The following P4HA1 variants were observed in gnomAD, a reference collection of about 807,000 sequenced individuals.
P4HA1 encodes prolyl 4-hydroxylase subunit alpha-1.
Under a neutral mutation model 72.8 loss-of-function variants are expected in P4HA1, and 24 were observed. The ratio of observed to expected loss-of-function variants is 0.33; its 90% CI spans 0.24 to 0.46. The LOEUF (loss-of-function observed/expected upper bound fraction) is 0.46, where lower values mean the gene tolerates loss of function less well. Ranked by LOEUF, P4HA1 falls within the 20% of genes least tolerant of loss-of-function variation. The pLI, the probability that P4HA1 is intolerant of heterozygous loss-of-function variation, is 1.00. For missense variants in P4HA1, 446 were observed against 640.6 expected, an observed-to-expected ratio of 0.70 and a Z score of 3.28; for synonymous variants, 201 against 218.8, an observed-to-expected ratio of 0.92 and a Z score of 0.72.
At chr10:73,094,599 T>C (rs1842121287) in intron 1 of P4HA1, among the ~76,000 whole-genome samples, 1 of 152,206 alleles carries the variant, frequency 6.6e-6, no homozygotes, top group South Asian at 2.1e-4. Flanking sequence ...AAATAAAGCA[T>C]TCCTTCCACA....
At chr10:73,045,475 T>A (rs1165197751) in intron 8 of P4HA1, among the ~76,000 whole-genome samples, 1 of 152,094 alleles carries the variant, frequency 6.6e-6, no homozygotes, top group East Asian at 1.9e-4. Flanking sequence ...TAATTTTTTT[T>A]AGTGATGGAA....
chr10:73,034,242 C>A (rs1299525791), intron 9 of P4HA1, among the ~76,000 whole-genome samples: 1 of 152,100 alleles, frequency 6.6e-6, no homozygotes, highest in Non-Finnish European at 1.5e-5. Flanking sequence ...TGGTAAAATA[C>A]ATGTAACATA....
In P4HA1 at chr10:73,068,774, T is replaced by C. The variant is rs1348423562; in HGVS notation, c.463+72A>G. ...CTTAAAATGCAAGTCTTTTTTATAC[T>C]AACATTGTGTTAATGGACTCAACAG... On this transcript the variant is annotated intron_variant, in intron 5 of 14. Coordinates refer to ENST00000394890, the MANE Select transcript of P4HA1 (RefSeq NM_001017962.3). The C allele has an allele frequency of 3.3e-6, 4 of 1,222,564 alleles. No homozygotes were observed. In the East Asian group the frequency reaches 9.4e-5, roughly 29 times the overall value. The allele number at this position is 1,222,564 out of a possible 1,614,324, so 75.7% of individuals were successfully genotyped here. A position where few individuals can be genotyped will look rare whatever the true frequency, so the allele number is the denominator to read the frequency against.
chr10:73,051,202 T>C lies in P4HA1; in HGVS notation c.751A>G (p.Ile251Val). The change falls in exon 7 of 15, where the codon ATA (isoleucine) becomes GTA (valine). Residue 251 changes from isoleucine (I) to valine (V), a missense_variant. Transcript: ENST00000394890. ...ANGNLKYFEY[I>V]MAKEKDVNKS... ...TTGACATCTTTTTCTTTAGCCATTA[T>C]ATACTCAAAATATTTTAAGTTACCA... 6.2e-7 allele frequency: 1 copy of C among 1,606,346 alleles called. No homozygotes were observed. Among genetic ancestry groups the C allele is most frequent in the Non-Finnish European group, 8.5e-7 (1 of 1,173,170 alleles).
In P4HA1 at chr10:73,022,007, C is replaced by T. The variant is rs184099596; in HGVS notation, c.1249-5108G>A. Reference sequence around the variant, plus strand: ...GCCAGAAAGCTCAAACTGGGCGGAGCCCACCACAGCTCAGCAAGGCCTACT... The same window carrying T: ...GCCAGAAAGCTCAAACTGGGCGGAGTCCACCACAGCTCAGCAAGGCCTACT... On this transcript the variant is annotated intron_variant, in intron 10 of 14. Transcript: ENST00000394890. Among the ~76,000 whole-genome samples, 3 of 152,340 alleles carry T rather than the reference C, an allele frequency of 2.0e-5. No individual in the cohort carries two copies. The South Asian group carries it at 6.2e-4, about 32-fold the overall frequency.
At chr10:73,072,778 C>T (rs573354060) in intron 3 of P4HA1, among the ~76,000 whole-genome samples, 1 of 152,090 alleles carries the variant, frequency 6.6e-6, no homozygotes, top group Non-Finnish European at 1.5e-5. Flanking sequence ...ACAATGGAAC[C>T]ATGGGAGTAA....
chr10:73,078,086 A>C (rs74953847), intron 1 of P4HA1, among the ~76,000 whole-genome samples: 5,610 of 150,522 alleles, frequency 0.037, 298 homozygotes, highest in African/African-American at 0.12. Flanking sequence ...AAAAAAAAAA[A>C]ACCTTTAAAA....
At position 73,074,781 on chromosome 10, in the gene P4HA1, C is replaced by A. The variant is rs541780035; in HGVS notation, c.76+27G>T. The A allele has an allele frequency of 1.7e-5, 22 of 1,274,754 alleles. No individual in the cohort carries two copies. The East Asian group carries it at 2.5e-4, about 15-fold the overall frequency. 79.0% of individuals were successfully genotyped at this position (1,274,754 alleles called of 1,614,324 possible). On this transcript the variant is annotated intron_variant, in intron 2 of 14. Transcript: ENST00000394890. ...TGGAAATTAAAAAATGCAAAACCAA[C>A]AAAAAACAACAAGTAGTAAGACTTA... is the stretch of plus-strand genomic sequence containing the variant.
intron 1 of P4HA1, among the ~76,000 whole-genome samples, chr10:73,094,629 T>C (rs2133177795): frequency 6.6e-6 from 1 of 152,278 alleles, no homozygotes; most frequent in East Asian, 1.9e-4. Context: ...GCTCACAAGC[T>C]TTATGGCTGT....
chr10:73,072,247 G>A (rs576734530), intron 3 of P4HA1, 67 bp from the exon 4 acceptor site: 15 of 1,318,844 alleles, frequency 1.1e-5, no homozygotes, highest in East Asian at 7.0e-5. Context: ...TTAATGAAAC[G>A]CTCAGAAAAA....
In P4HA1 at chr10:73,009,873, C is replaced by A; in HGVS notation, c.1468G>T (p.Ala490Ser). 2 of 1,610,126 alleles carry A rather than the reference C, an allele frequency of 1.2e-6. No homozygotes were observed. The highest frequency in any genetic ancestry group is 8.5e-7 in the Non-Finnish European group (1 of 1,176,392). The change falls in exon 14 of 15, where the codon GCC (alanine) becomes TCC (serine). Residue 490 changes from alanine (A) to serine (S), a missense_variant. Transcript: ENST00000394890. ...GTACTATAATCTCCTTCTCCACTGG[C>A]AAACAGATTATACCAGAAAACAGCA... ...GTAVFWYNLF[A>S]SGEGDYSTRH...
intron 10 of P4HA1, among the ~76,000 whole-genome samples, chr10:73,028,065 G>C (rs1840333069): frequency 6.6e-6 from 1 of 152,102 alleles, no homozygotes; most frequent in African/African-American, 2.4e-5. Context: ...AACCTGGCAG[G>C]TGTGCATCAC....
intron 1 of P4HA1, among the ~76,000 whole-genome samples, chr10:73,096,063 A>C (rs777761939): frequency 6.6e-6 from 1 of 152,226 alleles, no homozygotes; most frequent in Non-Finnish European, 1.5e-5. Flanking sequence ...CTTTTTAAAA[A>C]AAGTTATGGG....
chr10:73,017,006 T>G, intron 10 of P4HA1, 107 bp from the exon 11 acceptor site: 1 of 716,612 alleles, frequency 1.4e-6, no homozygotes, highest in Non-Finnish European at 2.3e-6. Flanking sequence ...GGTCAGGTAT[T>G]TACAGAGAAA....
At chr10:73,062,338 C>G (rs376417305) in intron 5 of P4HA1, among the ~76,000 whole-genome samples, 4 of 151,730 alleles carry the variant, frequency 2.6e-5, no homozygotes, top group African/African-American at 9.7e-5. Flanking sequence ...TATGCTGTTA[C>G]ACAGAAAATC....
At chr10:73,012,881 T>C (rs895516818) in intron 12 of P4HA1, among the ~76,000 whole-genome samples, 1 of 152,164 alleles carries the variant, frequency 6.6e-6, no homozygotes, top group Non-Finnish European at 1.5e-5. Context: ...CTGCAACCTC[T>C]GCCTCCCAGG....
In P4HA1 at chr10:73,038,922, G is replaced by A. The variant is rs1309771112; in HGVS notation, c.1148+6059C>T. ...ATTACAGGCGTGAGCCACCGTGCCC[G>A]GCCTTTATTTGCTTTTTAATAGTGG... On this transcript the variant is annotated intron_variant, in intron 9 of 14. Coordinates refer to ENST00000394890, the MANE Select transcript of P4HA1 (RefSeq NM_001017962.3). Among the ~76,000 whole-genome samples, 10 of 151,892 alleles carry A rather than the reference G, an allele frequency of 6.6e-5. 2 individuals are homozygous for A. Among genetic ancestry groups the A allele is most frequent in the South Asian group, 2.1e-4 (1 of 4,808 alleles).
chr10:73,053,249 AAAGT>A (rs1318665602), intron 6 of P4HA1, 98 bp downstream of exon 6: 1 of 1,184,292 alleles, frequency 8.4e-7, no homozygotes. Context: ...TGACTTCTAA[AAAGT>A]AAGAAAATAC....
At chr10:73,038,622 C>CTTTTT (rs745518781) in intron 9 of P4HA1, among the ~76,000 whole-genome samples, 32 of 108,812 alleles carry the variant, frequency 2.9e-4, no homozygotes, top group Non-Finnish European at 4.4e-4. Flanking sequence ...TTTTTATTTG[C>CTTTTT]TTTTTTTTTT....
Sources: gnomAD v4.1 joint callset for allele counts (sites outside exome capture counted in the v4.1 genomes callset) on GRCh38, gnomAD v4.1.1 for gene constraint, MANE v1.5 for transcripts, NCBI Gene and HGNC (gene_info 2026-07-23, HGNC 2026-07-21) for gene names.